The following ZFHX3 variants were observed in gnomAD, a reference collection of about 807,000 sequenced individuals.
ZFHX3 encodes zinc finger homeobox 3.
In ZFHX3, 42 loss-of-function variants were observed where a neutral mutation model predicts 279.1. The ratio of observed to expected loss-of-function variants is 0.15; its 90% CI spans 0.12 to 0.19. The LOEUF is 0.19. Ranked by LOEUF, ZFHX3 falls within the 10% of genes least tolerant of loss-of-function variation. The pLI is 1.00. For missense variants in ZFHX3, 4,981 were observed against 4,754.0 expected (o/e 1.05, Z -1.40); for synonymous variants, 2,293 against 1,957.8 (o/e 1.17, Z -4.52).
At chr16:72,826,951 C>T (rs765287601) in intron 5 of ZFHX3, among the ~76,000 whole-genome samples, 9 of 152,270 alleles carry the variant, frequency 5.9e-5, no homozygotes, top group Non-Finnish European at 1.3e-4. Flanking sequence ...CAGAAACACT[C>T]TGAGTAAGAT....
chr16:73,254,942 T>C (rs2013622345), intron 5 of ZFHX3, among the ~76,000 whole-genome samples: 1 of 152,082 alleles, frequency 6.6e-6, no homozygotes, highest in South Asian at 2.1e-4. Context: ...CATCCATCCA[T>C]CCATCCACCC....
At chr16:73,766,486 C>T (rs2053945390) in intron 1 of ZFHX3, among the ~76,000 whole-genome samples, 2 of 152,220 alleles carry the variant, frequency 1.3e-5, no homozygotes, top group Non-Finnish European at 2.9e-5. Context: ...TAGCCCATTT[C>T]TGCTTTGCCA....
chr16:72,849,704 A>C (rs2037564403), intron 4 of ZFHX3, among the ~76,000 whole-genome samples: 1 of 152,068 alleles, frequency 6.6e-6, no homozygotes, highest in African/African-American at 2.4e-5. Flanking sequence ...TTATTGGCAT[A>C]TCAATTAATG....
At chr16:73,785,749 G>A (rs1332646712) in intron 1 of ZFHX3, among the ~76,000 whole-genome samples, 1 of 152,090 alleles carries the variant, frequency 6.6e-6, no homozygotes, top group Non-Finnish European at 1.5e-5. Context: ...AGCTTCTATT[G>A]GGAAAGCTGA....
chr16:73,130,168 G>T (rs1280408297), intron 7 of ZFHX3, among the ~76,000 whole-genome samples: 2 of 152,094 alleles, frequency 1.3e-5, no homozygotes, highest in African/African-American at 2.4e-5. Context: ...TTATGGAAGG[G>T]ATTAGCTGTT....
intron 3 of ZFHX3, among the ~76,000 whole-genome samples, chr16:73,422,311 T>A (rs578166691): frequency 4.9e-4 from 75 of 151,956 alleles, no homozygotes; most frequent in African/African-American, 1.7e-3. Context: ...ATCCTAAACA[T>A]CCTGACAACA....
At chr16:73,049,327 C>G (rs1338328882), upstream of ZFHX3, among the ~76,000 whole-genome samples, 1 of 152,188 alleles carries the variant, frequency 6.6e-6, no homozygotes, top group African/African-American at 2.4e-5. Flanking sequence ...GTCTTTTCCT[C>G]GGGCACAATA....
intron 4 of ZFHX3, among the ~76,000 whole-genome samples, chr16:72,863,340 TAAAA>T (rs66692129): frequency 4.6e-5 from 3 of 64,630 alleles, no homozygotes; most frequent in African/African-American, 1.5e-4. Flanking sequence ...TCATCTCTAC[TAAAA>T]AAAAAAAAAA....
rs2035371060 is a variant in ZFHX3, at chr16:72,786,404, TGTGG to T, written c.*756_*759del. On this transcript the variant is annotated 3_prime_UTR_variant, in exon 10 of 10. Transcript: ENST00000268489. ...ACAAGTCCTCAACACTCTTTGTGTGTGTGGGTTATTATTTTTTTTTTTTTTTGAA... is the reference window on the plus strand; with the variant it reads ...ACAAGTCCTCAACACTCTTTGTGTGTGTTATTATTTTTTTTTTTTTTTGAA... 1 of 150,076 alleles carries T rather than the reference TGTGG, an allele frequency of 6.7e-6. No homozygotes were observed. The highest frequency in any genetic ancestry group is 6.8e-5 in the Admixed American group (1 of 14,812). 9.3% of individuals were successfully genotyped at this position (150,076 alleles called of 1,614,324 possible).
intron 2 of ZFHX3, among the ~76,000 whole-genome samples, chr16:73,641,676 A>G (rs1480569): frequency 0.96 from 146,391 of 152,230 alleles, 70,444 homozygotes; most frequent in East Asian, 1. Context: ...TGGACACAAT[A>G]AGTAAAAGCA....
At chr16:73,248,587 A>G (rs955131973) in intron 5 of ZFHX3, among the ~76,000 whole-genome samples, 2 of 148,038 alleles carry the variant, frequency 1.4e-5, no homozygotes, top group African/African-American at 5.0e-5. Flanking sequence ...GTATATGTGC[A>G]TGTGTGTATG....
In ZFHX3 at chr16:72,904,320, C is replaced by T. The variant is rs541846315; in HGVS notation, c.3217-14358G>A. 7.3e-5 allele frequency among the ~76,000 whole-genome samples: 11 copies of T among 151,688 alleles called. 1 individual carries two copies. The South Asian group carries it at 2.3e-3, about 32-fold the overall frequency. On this transcript the variant is annotated intron_variant, in intron 3 of 9. Coordinates refer to ENST00000268489, the MANE Select transcript of ZFHX3 (RefSeq NM_006885.4). ...GGTGGAGGTCGCAGTGAGCCGAGAT[C>T]ACAACCCACTGCACTCCAGCCTGGC...
At chr16:73,555,757 A>G (rs2020270276) in intron 2 of ZFHX3, among the ~76,000 whole-genome samples, 1 of 151,792 alleles carries the variant, frequency 6.6e-6, no homozygotes, top group African/African-American at 2.4e-5. Flanking sequence ...ACTGGAACTC[A>G]GGAGGCGGAG....
At chr16:73,848,979 C>T (rs534758835) in intron 1 of ZFHX3, among the ~76,000 whole-genome samples, 77 of 152,290 alleles carry the variant, frequency 5.1e-4, no homozygotes, top group Non-Finnish European at 9.1e-4. Context: ...ACATTTTCTT[C>T]GACTGTTCAG....
At chr16:73,555,832 C>CA (rs1204021861) in intron 2 of ZFHX3, among the ~76,000 whole-genome samples, 5,145 of 123,034 alleles carry the variant, frequency 0.042, 98 homozygotes, top group Non-Finnish European at 0.049. Context: ...AACTCCATCT[C>CA]AAAAAAAAAA....
intron 1 of ZFHX3, among the ~76,000 whole-genome samples, chr16:73,690,431 C>A (rs764009690): frequency 5.3e-5 from 8 of 152,190 alleles, no homozygotes; most frequent in Non-Finnish European, 7.3e-5. Context: ...CTGAGCTGCA[C>A]ACTCCTCAAA....
At chr16:73,534,302 G>C (rs531303166) in intron 2 of ZFHX3, among the ~76,000 whole-genome samples, 1 of 152,234 alleles carries the variant, frequency 6.6e-6, no homozygotes, top group South Asian at 2.1e-4. Flanking sequence ...CAAAGGCAAT[G>C]CTTTCGCCTC....
At chr16:73,071,432 G>C (rs915257878) in intron 8 of ZFHX3, among the ~76,000 whole-genome samples, 10 of 152,230 alleles carry the variant, frequency 6.6e-5, no homozygotes, top group Middle Eastern at 3.4e-3. Context: ...GAGGGAGCAC[G>C]TGCAACTCGC....
At chr16:73,076,767 C>T (rs1254670483) in intron 8 of ZFHX3, among the ~76,000 whole-genome samples, 3 of 152,132 alleles carry the variant, frequency 2.0e-5, no homozygotes, top group Non-Finnish European at 2.9e-5. Flanking sequence ...GCCTGAGAAC[C>T]GATCCTGTCA....
Sources: gnomAD v4.1 joint callset for allele counts (sites outside exome capture counted in the v4.1 genomes callset) on GRCh38, gnomAD v4.1.1 for gene constraint, MANE v1.5 for transcripts, NCBI Gene and HGNC (gene_info 2026-07-23, HGNC 2026-07-21) for gene names.